Variants in PCM1 observed in about 807,000 individuals in gnomAD.
PCM1 encodes the protein pericentriolar material 1 protein.
In PCM1, 157 loss-of-function variants were observed where a neutral mutation model predicts 241.9. That is an observed-to-expected ratio of 0.65 (90% CI 0.57 to 0.74). The LOEUF is 0.74. Among genes scored for constraint, PCM1 ranks in the 30% least tolerant of loss-of-function variants. The pLI is 0.00. For missense variants in PCM1, 3,478 were observed against 2,360.1 expected, an observed-to-expected ratio of 1.47 and a Z score of -9.81; for synonymous variants, 1,085 against 784.9, an observed-to-expected ratio of 1.38 and a Z score of -6.39.
At chr8:18,021,573 C>G (rs923374580) in intron 36 of PCM1, among the ~76,000 whole-genome samples, 3 of 152,168 alleles carry the variant, frequency 2.0e-5, no homozygotes, top group Admixed American at 2.0e-4. Context: ...CTGGAGAGAT[C>G]TCCAGTAATA....
intron 8 of PCM1, among the ~76,000 whole-genome samples, chr8:17,951,281 A>G (rs1360664483): frequency 1.3e-5 from 2 of 152,222 alleles, no homozygotes; most frequent in African/African-American, 4.8e-5. Flanking sequence ...ATGCCTCTCC[A>G]TTGGAAGTGA....
At chr8:18,019,752 G>A (rs191215258) in intron 36 of PCM1, among the ~76,000 whole-genome samples, 29 of 152,286 alleles carry the variant, frequency 1.9e-4, no homozygotes, top group African/African-American at 5.8e-4. Context: ...AGCTTGGCTC[G>A]CTGGCTCCCC....
chr8:18,011,227 TTG>T lies in PCM1; in HGVS notation c.5221-6_5221-5del. The T allele has an allele frequency of 6.3e-7, 1 of 1,585,070 alleles. No individual in the cohort carries two copies. The highest frequency in any genetic ancestry group is 8.6e-7 in the Non-Finnish European group (1 of 1,165,178). ...TAAGGAATTAATTACTCAAATATTT[TTG>T]TGTCTAGGACAAGGATGAAACTGAA... On this transcript the variant is annotated splice_region_variant and splice_polypyrimidine_tract_variant and intron_variant, in intron 32 of 38. Transcript: ENST00000325083.
chr8:17,958,433 ATATT>A (rs1235481955), intron 13 of PCM1, among the ~76,000 whole-genome samples: 3 of 152,216 alleles, frequency 2.0e-5, no homozygotes, highest in Non-Finnish European at 4.4e-5. Context: ...GTACAATTGT[ATATT>A]TATACAAATG....
At chr8:17,939,153 G>C (rs1306090133) in intron 5 of PCM1, 144 bp downstream of exon 5, 2 of 707,692 alleles carry the variant, frequency 2.8e-6, no homozygotes, top group Admixed American at 3.1e-5. Flanking sequence ...TAATCTGCCA[G>C]ATTTACTTAA....
chr8:17,990,110 T>C, intron 27 of PCM1, 131 bp downstream of exon 27: 1 of 632,664 alleles, frequency 1.6e-6, no homozygotes, highest in Non-Finnish European at 2.5e-6. Context: ...GACTTAATTA[T>C]CTATCAGTCT....
chr8:17,949,980 C>G lies in PCM1; in HGVS notation c.962-635C>G, dbSNP rs573197291. On this transcript the variant is annotated intron_variant, in intron 7 of 38. Coordinates refer to ENST00000325083, the MANE Select transcript of PCM1 (RefSeq NM_006197.4). ...TAGTATGACTTGTATCACAAACAGC[C>G]ACTTCAATAAATTATCCATTTTACT... 8.1e-4 allele frequency among the ~76,000 whole-genome samples: 124 copies of G among 152,156 alleles called. 1 individual carries two copies. The highest frequency in any genetic ancestry group is 2.8e-3 in the African/African-American group (118 of 41,504).
chr8:17,940,000 C>G, intron 6 of PCM1, 139 bp downstream of exon 6: 1 of 1,328,074 alleles, frequency 7.5e-7, no homozygotes, highest in African/African-American at 1.4e-5. Context: ...ATTTATTGCC[C>G]ATTTTAATAG....
Position 18,029,579 on chromosome 8 carries a change from G to C in PCM1, c.*1917G>C, listed in dbSNP as rs1263705559. The C allele has an allele frequency of 2.4e-5, 4 of 167,380 alleles. No individual in the cohort carries two copies. The highest frequency in any genetic ancestry group is 1.0e-4 in the African/African-American group (4 of 39,644). 10.4% of individuals were successfully genotyped at this position (167,380 alleles called of 1,614,324 possible). ...AGTACCTATGAACCTTATCAAAATT[G>C]CTTATTTGACTGGTGTTACAGCTGC... is the stretch of plus-strand genomic sequence containing the variant. On this transcript the variant is annotated 3_prime_UTR_variant, in exon 39 of 39. Transcript: ENST00000325083.
chr8:17,994,399 G>T (rs2085849713), intron 29 of PCM1, among the ~76,000 whole-genome samples: 3 of 152,106 alleles, frequency 2.0e-5, no homozygotes, highest in South Asian at 4.1e-4. Flanking sequence ...ACTCCATTGT[G>T]TGTCTGTACC....
intron 4 of PCM1, among the ~76,000 whole-genome samples, chr8:17,938,292 T>C (rs1307904332): frequency 1.3e-5 from 2 of 152,166 alleles, no homozygotes; most frequent in East Asian, 3.8e-4. Flanking sequence ...TTATTAAAAA[T>C]ATTGTATAAG....
intron 21 of PCM1, among the ~76,000 whole-genome samples, chr8:17,969,124 A>G (rs901149286): frequency 1.3e-5 from 2 of 152,186 alleles, no homozygotes; most frequent in African/African-American, 4.8e-5. Context: ...AAAATAGAGT[A>G]GAAACAACAT....
intron 21 of PCM1, 34 bp from the exon 22 acceptor site, chr8:17,969,543 T>G (rs781001921): frequency 7.0e-7 from 1 of 1,428,474 alleles, no homozygotes; most frequent in South Asian, 1.3e-5. Flanking sequence ...GACATTTATT[T>G]ATTTTTCTCT....
At chr8:17,958,778 G>A (rs1426501009) in intron 13 of PCM1, among the ~76,000 whole-genome samples, 7 of 152,144 alleles carry the variant, frequency 4.6e-5, no homozygotes, top group Non-Finnish European at 1.0e-4. Flanking sequence ...TTGGAGTGCA[G>A]TGGCATGATT....
Position 17,985,994 on chromosome 8 carries a change from A to C in PCM1, c.4317A>C (p.Glu1439Asp), listed in dbSNP as rs552766033. 1.9e-6 allele frequency: 3 copies of C among 1,587,770 alleles called. No homozygotes were observed. The highest frequency in any genetic ancestry group is 2.6e-6 in the Non-Finnish European group (3 of 1,160,948). Residue 1439 changes from glutamate to aspartate, a missense_variant, in exon 26 of 39, where the codon GAA (glutamate) becomes GAC (aspartate). Physicochemically the swap from Glu to Asp is conservative, Grantham distance 45. Coordinates refer to ENST00000325083, the MANE Select transcript of PCM1 (RefSeq NM_006197.4). Reference sequence around the variant, plus strand: ...CCAGACATATTTCTGAGAGCCATGAAAAAGGAGAAAATGTAAAGTCAGTAA... The same window carrying C: ...CCAGACATATTTCTGAGAGCCATGACAAAGGAGAAAATGTAAAGTCAGTAA... ...IVSRHISESH[E>D]KGENVKSVNS...
At chr8:17,997,059 T>C (rs549151608) in intron 29 of PCM1, among the ~76,000 whole-genome samples, 1 of 152,328 alleles carries the variant, frequency 6.6e-6, no homozygotes, top group South Asian at 2.1e-4. Context: ...AATAAAGTAT[T>C]TAGTATTTCT....
At chr8:17,924,120 G>T (rs966428315) in intron 1 of PCM1, among the ~76,000 whole-genome samples, 1 of 151,196 alleles carries the variant, frequency 6.6e-6, no homozygotes, top group African/African-American at 2.4e-5. Context: ...CCCCATAACC[G>T]CTTTCCAGAC....
At position 18,014,674 on chromosome 8, in the gene PCM1, C is replaced by T. The variant is rs748548653; in HGVS notation, c.5675C>T (p.Pro1892Leu). ...PLNSAAHKES[P>L]PTVDSTQQPN... ...AATAGTGCTGCCCATAAGGAGTCAC[C>T]TCCTACTGTTGATTCAACTCAACAG... Residue 1892 changes from proline (P) to leucine (L), a missense_variant, in exon 36 of 39, where the codon CCT becomes CTT. Pro to Leu is a moderately conservative substitution (Grantham distance 98). Transcript: ENST00000325083. The T allele has an allele frequency of 1.3e-5, 21 of 1,613,670 alleles. No homozygotes were observed. Among genetic ancestry groups the T allele is most frequent in the Middle Eastern group, 3.3e-4 (2 of 6,084 alleles).
chr8:17,977,321 G>C, intron 23 of PCM1, among the ~76,000 whole-genome samples: 1 of 152,084 alleles, frequency 6.6e-6, no homozygotes, highest in South Asian at 2.1e-4. Context: ...TTTAGTTTGA[G>C]AGACCAGTGA....
Sources: gnomAD v4.1 joint callset for allele counts (sites outside exome capture counted in the v4.1 genomes callset) on GRCh38, gnomAD v4.1.1 for gene constraint, MANE v1.5 for transcripts, NCBI Gene and HGNC (gene_info 2026-07-23, HGNC 2026-07-21) for gene names.